Variants in CLSTN2 observed in about 807,000 individuals in gnomAD.
The protein encoded by CLSTN2 is calsyntenin-2.
CLSTN2 carries 48 observed loss-of-function variants against 101.2 expected under a neutral mutation model. The observed-to-expected ratio is 0.47, with a 90% CI of 0.38 to 0.60. The LOEUF is 0.60. Among genes scored for constraint, CLSTN2 ranks in the 20% least tolerant of loss-of-function variants. The probability of loss-of-function intolerance (pLI) is 0.00; values close to 1 mark genes in which losing one functional copy is unlikely to be tolerated. For synonymous variants in CLSTN2, 481 were observed against 463.6 expected (o/e 1.04, Z -0.48); for missense variants, 1,160 against 1,238.2 (o/e 0.94, Z 0.95).
intron 1 of CLSTN2, among the ~76,000 whole-genome samples, chr3:140,136,952 T>C (rs986029462): frequency 1.3e-5 from 2 of 152,204 alleles, no homozygotes; most frequent in African/African-American, 2.4e-5. Context: ...GAAATGGCTA[T>C]AACATGTGGG....
chr3:140,211,415 C>CACACACACACACACAG (rs1037567882), intron 2 of CLSTN2, among the ~76,000 whole-genome samples: 3 of 148,424 alleles, frequency 2.0e-5, no homozygotes, highest in Non-Finnish European at 4.5e-5. Context: ...CACACACACA[C>CACACACACACACACAG]ACACACACAC....
chr3:140,320,613 G>GA lies in CLSTN2; in HGVS notation c.233-83016_233-83015insA, dbSNP rs533749351. ...CCATTGTATTTGTGTTTTTTTTGCGGGGGGGGGCAGGGGTCAATACACATA... is the reference window on the plus strand; with the variant it reads ...CCATTGTATTTGTGTTTTTTTTGCGGAGGGGGGGCAGGGGTCAATACACATA... On this transcript the variant is annotated intron_variant, in intron 2 of 16. Transcript: ENST00000458420. 8.1e-5 allele frequency among the ~76,000 whole-genome samples: 12 copies of GA among 148,534 alleles called. No individual in the cohort carries two copies. In the South Asian group the frequency reaches 2.6e-3, roughly 33 times the overall value.
intron 8 of CLSTN2, among the ~76,000 whole-genome samples, chr3:140,490,119 C>T (rs71619382): frequency 0.28 from 495 of 1,774 alleles, 193 homozygotes; most frequent in Middle Eastern, 1. Flanking sequence ...TATATATATA[C>T]ACACACACAC....
At chr3:139,944,285 C>A (rs1576371856) in intron 1 of CLSTN2, among the ~76,000 whole-genome samples, 1 of 152,158 alleles carries the variant, frequency 6.6e-6, no homozygotes. Flanking sequence ...AGAGTCCCCC[C>A]TTTTATCCAG....
At chr3:140,519,315 G>A (rs1281426478) in intron 8 of CLSTN2, among the ~76,000 whole-genome samples, 1 of 152,234 alleles carries the variant, frequency 6.6e-6, no homozygotes, top group East Asian at 1.9e-4. Flanking sequence ...GAGGTGGAGA[G>A]TTCTGTAGAT....
In CLSTN2 at chr3:140,113,442, C is replaced by T. The variant is rs905109434; in HGVS notation, c.110-62509C>T. ...GAACTGCTTCCAAGTAATCTCAACCCGGGGTTCTCACAGAGCACTTGTCTG... is the reference window on the plus strand; with the variant it reads ...GAACTGCTTCCAAGTAATCTCAACCTGGGGTTCTCACAGAGCACTTGTCTG... On this transcript the variant is annotated intron_variant, in intron 1 of 16. Coordinates refer to ENST00000458420, the MANE Select transcript of CLSTN2 (RefSeq NM_022131.3). Among the ~76,000 whole-genome samples, 6 of 152,190 alleles carry T rather than the reference C, an allele frequency of 3.9e-5. No homozygotes were observed. The South Asian group carries it at 1.2e-3, about 31-fold the overall frequency.
intron 1 of CLSTN2, among the ~76,000 whole-genome samples, chr3:140,112,064 T>G (rs996086951): frequency 6.6e-6 from 1 of 152,252 alleles, no homozygotes; most frequent in Non-Finnish European, 1.5e-5. Context: ...TGCTATGCCT[T>G]GGCTCAAAAC....
intron 1 of CLSTN2, among the ~76,000 whole-genome samples, chr3:140,098,670 A>C (rs1028533541): frequency 6.6e-6 from 1 of 152,210 alleles, no homozygotes; most frequent in African/African-American, 2.4e-5. Flanking sequence ...TCAAACATGT[A>C]ATCTTCCCTG....
intron 1 of CLSTN2, among the ~76,000 whole-genome samples, chr3:140,123,346 A>G (rs1377921937): frequency 6.6e-6 from 1 of 151,948 alleles, no homozygotes; most frequent in Non-Finnish European, 1.5e-5. Context: ...GTTGCATTTG[A>G]GATTAAGTTT....
At chr3:140,029,947 G>A (rs2007512173) in intron 1 of CLSTN2, among the ~76,000 whole-genome samples, 1 of 152,142 alleles carries the variant, frequency 6.6e-6, no homozygotes, top group Non-Finnish European at 1.5e-5. Flanking sequence ...AGGCCCCAGA[G>A]TTTTACTTCA....
At chr3:140,560,303 T>A (rs1421561513) in intron 12 of CLSTN2, among the ~76,000 whole-genome samples, 2 of 152,184 alleles carry the variant, frequency 1.3e-5, no homozygotes, top group Non-Finnish European at 2.9e-5. Context: ...CCCATTGACA[T>A]TCTCTTTATG....
At chr3:139,976,958 G>A (rs1229012706) in intron 1 of CLSTN2, among the ~76,000 whole-genome samples, 3 of 152,100 alleles carry the variant, frequency 2.0e-5, no homozygotes, top group East Asian at 1.9e-4. Context: ...GCACCCGCCC[G>A]CTCCATCTGC....
At chr3:140,103,854 A>G (rs2009008149) in intron 1 of CLSTN2, among the ~76,000 whole-genome samples, 1 of 152,192 alleles carries the variant, frequency 6.6e-6, no homozygotes, top group Non-Finnish European at 1.5e-5. Context: ...ATAAACACAT[A>G]AAAAAGGGAT....
chr3:140,481,934 C>A lies in CLSTN2; in HGVS notation c.1344+15203C>A, dbSNP rs555820555. Among the ~76,000 whole-genome samples, 3 of 152,274 alleles carry A rather than the reference C, an allele frequency of 2.0e-5. No homozygotes were observed. In the East Asian group the frequency reaches 5.8e-4, roughly 29 times the overall value. ...CTTCCTCTTTTCCTAATTGAATACCCTTTATTTCTTTCTCCTGCCTGATTG... is the reference window on the plus strand; with the variant it reads ...CTTCCTCTTTTCCTAATTGAATACCATTTATTTCTTTCTCCTGCCTGATTG... On this transcript the variant is annotated intron_variant, in intron 8 of 16. Coordinates refer to ENST00000458420, the MANE Select transcript of CLSTN2 (RefSeq NM_022131.3).
intron 2 of CLSTN2, among the ~76,000 whole-genome samples, chr3:140,264,618 A>C (rs373037433): frequency 6.6e-6 from 1 of 152,058 alleles, no homozygotes; most frequent in Admixed American, 6.6e-5. Context: ...TAACTGCTGC[A>C]AATAGCAAGA....
intron 2 of CLSTN2, among the ~76,000 whole-genome samples, chr3:140,357,555 C>A (rs929796697): frequency 6.6e-6 from 1 of 152,126 alleles, no homozygotes; most frequent in Non-Finnish European, 1.5e-5. Flanking sequence ...ACCTGGAGTG[C>A]TCACTTTAGC....
chr3:140,258,118 A>G (rs1160463427), intron 2 of CLSTN2, among the ~76,000 whole-genome samples: 2 of 152,044 alleles, frequency 1.3e-5, no homozygotes, highest in Non-Finnish European at 2.9e-5. Flanking sequence ...GCTTAATGGC[A>G]TTTTTAATTT....
At chr3:140,220,014 A>G (rs375624663) in intron 2 of CLSTN2, among the ~76,000 whole-genome samples, 11 of 152,182 alleles carry the variant, frequency 7.2e-5, no homozygotes, top group African/African-American at 2.7e-4. Context: ...CTTAGGTTAT[A>G]TTGTCAACAA....
At chr3:139,958,571 A>G (rs1178149072) in intron 1 of CLSTN2, among the ~76,000 whole-genome samples, 1 of 151,906 alleles carries the variant, frequency 6.6e-6, no homozygotes, top group Non-Finnish European at 1.5e-5. Flanking sequence ...GTGGCTGGCC[A>G]TGATGTACCA....
Sources: allele counts gnomAD v4.1 joint callset (sites outside exome capture counted in the v4.1 genomes callset), GRCh38; gene constraint gnomAD v4.1.1; transcripts MANE v1.5; gene names NCBI Gene and HGNC (gene_info 2026-07-23, HGNC 2026-07-21).